The following FHOD3 variants were observed in gnomAD, a reference collection of about 807,000 sequenced individuals.
The protein encoded by FHOD3 is formin homology 2 domain containing 3, also known as FH1/FH2 domain-containing protein 3.
In FHOD3, 90 loss-of-function variants were observed where a neutral mutation model predicts 173.0. The ratio of observed to expected loss-of-function variants is 0.52; its 90% CI spans 0.44 to 0.62. The LOEUF is 0.62. FHOD3 is among the 20% of genes least tolerant of loss of function. The pLI, the probability that FHOD3 is intolerant of heterozygous loss-of-function variation, is 0.00. For missense variants in FHOD3, 1,945 were observed against 2,034.7 expected (o/e 0.96, Z 0.85); for synonymous variants, 828 against 823.0 (o/e 1.01, Z -0.10).
chr18:36,567,055 C>G lies in FHOD3; in HGVS notation c.512-9396C>G, dbSNP rs77569883. ...GTATACAGTGAGCTCCATTGTCTAG[C>G]CTGGGTGACTGGGTGATGTGTCCTG... On this transcript the variant is annotated intron_variant, in intron 5 of 28. Coordinates refer to ENST00000590592, the MANE Select transcript of FHOD3 (RefSeq NM_001281740.3). Among the ~76,000 whole-genome samples, 1,209 of 152,208 alleles carry G rather than the reference C, an allele frequency of 7.9e-3. 10 individuals carry two copies. Among genetic ancestry groups the G allele is most frequent in the African/African-American group, 0.028 (1,154 of 41,538 alleles).
intron 1 of FHOD3, among the ~76,000 whole-genome samples, chr18:36,349,724 C>T (rs1407490824): frequency 6.6e-6 from 1 of 152,188 alleles, no homozygotes; most frequent in Non-Finnish European, 1.5e-5. Context: ...CGAGACGTGA[C>T]ATCAGCCTCC....
chr18:36,640,835 T>C (rs2035252691), intron 10 of FHOD3, among the ~76,000 whole-genome samples: 1 of 152,116 alleles, frequency 6.6e-6, no homozygotes, highest in Admixed American at 6.5e-5. Context: ...CAAGCACGGT[T>C]CAGGAACCGT....
chr18:36,617,964 T>C (rs924164297), intron 9 of FHOD3, among the ~76,000 whole-genome samples: 13 of 152,184 alleles, frequency 8.5e-5, no homozygotes, highest in African/African-American at 2.4e-4. Flanking sequence ...AAGGAATTTT[T>C]ATTAGTCTGT....
At position 36,383,423 on chromosome 18, in the gene FHOD3, T is replaced by A. The variant is rs56146675; in HGVS notation, c.337+10679T>A. Among the ~76,000 whole-genome samples the A allele has an allele frequency of 3.2e-3, 492 of 152,252 alleles. 3 individuals carry two copies. Among genetic ancestry groups the A allele is most frequent in the African/African-American group, 0.011 (463 of 41,534 alleles). On this transcript the variant is annotated intron_variant, in intron 3 of 28. Transcript: ENST00000590592. Reference sequence around the variant, plus strand: ...GAGAAAGGTGCTTAACAGAGGTGATTCCATTTATCGTCCTGACACATACAT... The same window carrying A: ...GAGAAAGGTGCTTAACAGAGGTGATACCATTTATCGTCCTGACACATACAT...
At chr18:36,355,211 C>T (rs993852558) in intron 1 of FHOD3, among the ~76,000 whole-genome samples, 2 of 152,214 alleles carry the variant, frequency 1.3e-5, no homozygotes, top group African/African-American at 2.4e-5. Flanking sequence ...ATCGTGATCT[C>T]GATTTCCACT....
At chr18:36,369,357 C>G (rs2047051128) in intron 2 of FHOD3, among the ~76,000 whole-genome samples, 1 of 150,514 alleles carries the variant, frequency 6.6e-6, no homozygotes, top group South Asian at 2.1e-4. Context: ...TCAGTTTTAA[C>G]TAATTAGAAA....
chr18:36,357,150 T>C (rs1042739510), intron 2 of FHOD3, among the ~76,000 whole-genome samples: 3 of 152,212 alleles, frequency 2.0e-5, no homozygotes, highest in Non-Finnish European at 4.4e-5. Context: ...AATAGCTCAA[T>C]TAATGGAGAA....
At chr18:36,448,687 T>C (rs968340807) in intron 3 of FHOD3, among the ~76,000 whole-genome samples, 4 of 151,894 alleles carry the variant, frequency 2.6e-5, no homozygotes, top group African/African-American at 9.7e-5. Context: ...CTCCTTCTGC[T>C]TCTTGCTGGG....
Position 36,779,612 on chromosome 18 carries a change from G to T in FHOD3, c.*82G>T. On this transcript the variant is annotated 3_prime_UTR_variant, in exon 29 of 29. Coordinates refer to ENST00000590592, the MANE Select transcript of FHOD3 (RefSeq NM_001281740.3). ...AAACCCCTCCAGGTGGGGTTGGGGA[G>T]ACTTGATATTCACATCCAACAGTTT... 1 of 1,213,108 alleles carries T rather than the reference G, an allele frequency of 8.2e-7. No homozygotes were observed. 75.1% of individuals were successfully genotyped at this position (1,213,108 alleles called of 1,614,324 possible). A position where few individuals can be genotyped will look rare whatever the true frequency, so the allele number is the denominator to read the frequency against.
chr18:36,759,184 C>CA (rs1193621444), intron 26 of FHOD3, 43 bp downstream of exon 26: 17 of 1,517,364 alleles, frequency 1.1e-5, no homozygotes, highest in Non-Finnish European at 1.4e-5. Flanking sequence ...ATTTTACCAC[C>CA]TCATGTATGC....
intron 1 of FHOD3, among the ~76,000 whole-genome samples, chr18:36,349,172 G>A (rs1482900539): frequency 8.5e-5 from 13 of 152,188 alleles, no homozygotes; most frequent in Admixed American, 8.5e-4. Context: ...GGCAGGCTGT[G>A]AGCGGGGGTG....
chr18:36,396,886 T>A (rs915761257), intron 3 of FHOD3, among the ~76,000 whole-genome samples: 2 of 152,084 alleles, frequency 1.3e-5, no homozygotes, highest in Non-Finnish European at 2.9e-5. Flanking sequence ...ATTTTTTTTT[T>A]AACTTCACAG....
intron 15 of FHOD3, among the ~76,000 whole-genome samples, chr18:36,684,176 G>A (rs1489740056): frequency 2.6e-5 from 4 of 152,244 alleles, no homozygotes; most frequent in African/African-American, 9.6e-5. Flanking sequence ...CTGAAGGCAG[G>A]TTACAACTTG....
At position 36,613,292 on chromosome 18, in the gene FHOD3, C is replaced by T. The variant is rs905265886; in HGVS notation, c.957+1197C>T. On this transcript the variant is annotated intron_variant, in intron 9 of 28. Coordinates refer to ENST00000590592, the MANE Select transcript of FHOD3 (RefSeq NM_001281740.3). Reference sequence around the variant, plus strand: ...GGTGCAACAGCACAGGTCACTCACCCGTGACGCCGGTTCTGCTTTGGGCTA... The same window carrying T: ...GGTGCAACAGCACAGGTCACTCACCTGTGACGCCGGTTCTGCTTTGGGCTA... Among the ~76,000 whole-genome samples the T allele has an allele frequency of 6.6e-5, 10 of 152,234 alleles. No individual in the cohort carries two copies. In the South Asian group the frequency reaches 1.7e-3, roughly 25 times the overall value.
intron 3 of FHOD3, among the ~76,000 whole-genome samples, chr18:36,433,712 G>A (rs936468528): frequency 6.6e-6 from 1 of 152,102 alleles, no homozygotes; most frequent in Non-Finnish European, 1.5e-5. Flanking sequence ...ACATCTTTTT[G>A]ACCAAAATAT....
At chr18:36,773,523 C>G (rs1031179207) in intron 28 of FHOD3, among the ~76,000 whole-genome samples, 1 of 152,182 alleles carries the variant, frequency 6.6e-6, no homozygotes, top group African/African-American at 2.4e-5. Flanking sequence ...CTGGGTCTCA[C>G]GAGTGACTTG....
intron 2 of FHOD3, among the ~76,000 whole-genome samples, chr18:36,361,930 G>A (rs16960066): frequency 0.11 from 16,454 of 152,160 alleles, 2,212 homozygotes; most frequent in African/African-American, 0.32. Context: ...GAACCACTGC[G>A]TGAGAAAGAC....
rs1178366358 is a variant in FHOD3 at position 36,769,418 on chromosome 18, G to A, written c.4778G>A (p.Arg1593Gln). 7 of 1,614,022 alleles carry A rather than the reference G, an allele frequency of 4.3e-6. No individual in the cohort carries two copies. Among genetic ancestry groups the A allele is most frequent in the Admixed American group, 1.7e-5 (1 of 60,018 alleles). Residue 1593 changes from arginine to glutamine, a missense_variant, in exon 28 of 29, where the codon CGG becomes CAG. This residue lies in a region of FHOD3 where 354 missense variants were observed against 359.9 expected (regional missense o/e 0.98). Transcript: ENST00000590592. ...PRERKRSRAN[R>Q]KSLRRTLKSG... ...GAGAGGAAACGATCCCGGGCCAACC[G>A]GAAATCTTGTGAGTGCATTAAAGGA...
intron 8 of FHOD3, among the ~76,000 whole-genome samples, chr18:36,607,864 T>C (rs1433274464): frequency 6.6e-6 from 1 of 152,222 alleles, no homozygotes; most frequent in Non-Finnish European, 1.5e-5. Flanking sequence ...TTTATTCTGG[T>C]TTCTAATACC....
Sources: gnomAD v4.1 joint callset for allele counts (sites outside exome capture counted in the v4.1 genomes callset) on GRCh38, gnomAD v4.1.1 for gene constraint, gnomAD v4.1.1 regional missense constraint, MANE v1.5 for transcripts, NCBI Gene and HGNC (gene_info 2026-07-23, HGNC 2026-07-21) for gene names.